Variants in DNM3 observed in about 807,000 individuals in gnomAD.
DNM3 encodes dynamin-3.
Under a neutral mutation model 101.6 loss-of-function variants are expected in DNM3, and 47 were observed. The observed-to-expected ratio is 0.46, with a 90% CI of 0.37 to 0.59. The LOEUF is 0.59. DNM3 is among the 20% of genes least tolerant of loss of function. The pLI, the probability that DNM3 is intolerant of heterozygous loss-of-function variation, is 0.00. For missense variants in DNM3, 849 were observed against 1,085.7 expected (o/e 0.78, Z 3.06); for synonymous variants, 385 against 387.9 (o/e 0.99, Z 0.09).
intron 15 of DNM3, among the ~76,000 whole-genome samples, chr1:172,284,236 A>G (rs1237994762): frequency 1.3e-5 from 2 of 152,172 alleles, no homozygotes; most frequent in Admixed American, 6.5e-5. Context: ...AGCTTTGTAA[A>G]TATTTTCTTT....
intron 8 of DNM3, among the ~76,000 whole-genome samples, chr1:172,043,666 C>T (rs1325079068): frequency 6.6e-6 from 1 of 151,916 alleles, no homozygotes; most frequent in African/African-American, 2.4e-5. Context: ...AGCTATGAAG[C>T]CATCAGTTAT....
At chr1:172,226,187 T>A (rs2148586210) in intron 14 of DNM3, among the ~76,000 whole-genome samples, 1 of 152,228 alleles carries the variant, frequency 6.6e-6, no homozygotes, top group Non-Finnish European at 1.5e-5. Flanking sequence ...AATTAAAATA[T>A]CTCTAATATT....
chr1:172,106,877 G>A (rs1269298636), intron 13 of DNM3, among the ~76,000 whole-genome samples: 2 of 13,066 alleles, frequency 1.5e-4, no homozygotes, highest in Non-Finnish European at 3.8e-4. Context: ...TTTTTGAGAC[G>A]GAGTCTCGCT....
intron 1 of DNM3, among the ~76,000 whole-genome samples, chr1:171,894,010 G>A (rs928227735): frequency 6.6e-6 from 1 of 151,666 alleles, no homozygotes; most frequent in Admixed American, 6.6e-5. Context: ...TTTTAGTAGA[G>A]ATGGGATTTC....
At chr1:172,205,149 A>G (rs1009839345) in intron 14 of DNM3, among the ~76,000 whole-genome samples, 3 of 152,152 alleles carry the variant, frequency 2.0e-5, no homozygotes, top group African/African-American at 4.8e-5. Flanking sequence ...TAGTCTTGAA[A>G]GTTTGAAAAC....
intron 1 of DNM3, among the ~76,000 whole-genome samples, chr1:171,843,196 A>G (rs2031540436): frequency 6.6e-6 from 1 of 152,200 alleles, no homozygotes; most frequent in African/African-American, 2.4e-5. Flanking sequence ...TGAACTAGAA[A>G]GATAAGAAGC....
chr1:171,987,719 A>G lies in DNM3; in HGVS notation c.299A>G (p.Glu100Gly). The G allele has an allele frequency of 1.2e-6, 2 of 1,601,838 alleles. No homozygotes were observed. Among genetic ancestry groups the G allele is most frequent in the South Asian group, 2.3e-5 (2 of 88,538 alleles). ...ACAGATTTTGATGAAGTTCGCCTTG[A>G]GATTGAAGCAGAAACAGATCGCGTG... is the stretch of plus-strand genomic sequence containing the variant. The part of the protein sequence containing the change: ...KFTDFDEVRL[E>G]IEAETDRVTG... The change falls in exon 3 of 21, where the codon GAG becomes GGG. Residue 100 changes from glutamate to glycine, a missense_variant. By Grantham distance (98) the Glu-to-Gly change is moderately conservative (BLOSUM62 -2). Coordinates refer to ENST00000627582, the MANE Select transcript of DNM3 (RefSeq NM_015569.5).
At chr1:172,128,229 A>G (rs967451565) in intron 13 of DNM3, among the ~76,000 whole-genome samples, 1 of 152,174 alleles carries the variant, frequency 6.6e-6, no homozygotes, top group Non-Finnish European at 1.5e-5. Flanking sequence ...TTGCAAGTCT[A>G]TACCTCCATC....
rs75376275 is a variant in DNM3, at chr1:172,023,846, G to T, written c.590-8556G>T. ...CCATTTCTCTAGTTTTAACAATGTG[G>T]TTTTTTTTTTTTTCCTTGTTTACTT... On this transcript the variant is annotated intron_variant, in intron 4 of 20. Coordinates refer to ENST00000627582, the MANE Select transcript of DNM3 (RefSeq NM_015569.5). Among the ~76,000 whole-genome samples the T allele has an allele frequency of 2.7e-4, 37 of 138,938 alleles. No homozygotes were observed. In the East Asian group the frequency reaches 6.2e-3, roughly 23 times the overall value. The allele number at this position is 138,938 out of a possible 152,430, so 91.1% of individuals were successfully genotyped here.
chr1:172,343,747 C>G (rs542361077), intron 17 of DNM3, among the ~76,000 whole-genome samples: 2 of 152,270 alleles, frequency 1.3e-5, no homozygotes, highest in South Asian at 4.2e-4. Flanking sequence ...TTTAAGGAAG[C>G]CACAGTAGTT....
chr1:171,941,448 T>G lies in DNM3; in HGVS notation c.235+19627T>G, dbSNP rs568653275. ...AGAAATAATATGACTGAGGAAGGTA[T>G]ACATACTGCAACTGTAGAGTGAGGA... On this transcript the variant is annotated intron_variant, in intron 2 of 20. Transcript: ENST00000627582. Among the ~76,000 whole-genome samples, 267 of 152,306 alleles carry G rather than the reference T, an allele frequency of 1.8e-3. 1 individual carries two copies. The highest frequency in any genetic ancestry group is 2.7e-3 in the Non-Finnish European group (183 of 68,022).
chr1:172,381,985 A>AG (rs2149064563), intron 18 of DNM3, among the ~76,000 whole-genome samples: 1 of 152,330 alleles, frequency 6.6e-6, no homozygotes, highest in South Asian at 2.1e-4. Flanking sequence ...AATATGTTTC[A>AG]GCCAACATTC....
At chr1:171,985,971 A>G (rs573172884) in intron 2 of DNM3, among the ~76,000 whole-genome samples, 1 of 152,298 alleles carries the variant, frequency 6.6e-6, no homozygotes, top group Non-Finnish European at 1.5e-5. Flanking sequence ...CAAAAGTTGG[A>G]CTAGTGGAAT....
intron 15 of DNM3, among the ~76,000 whole-genome samples, chr1:172,282,533 C>T (rs1048929148): frequency 6.6e-6 from 1 of 152,116 alleles, no homozygotes; most frequent in African/African-American, 2.4e-5. Context: ...TCACATCATA[C>T]TAATTCTTAT....
chr1:172,365,379 A>G (rs1199592160), intron 17 of DNM3, among the ~76,000 whole-genome samples: 1 of 151,944 alleles, frequency 6.6e-6, no homozygotes, highest in Non-Finnish European at 1.5e-5. Context: ...TATTCTTTCT[A>G]TTCTATCTAC....
At chr1:172,152,275 T>G (rs137913836) in intron 14 of DNM3, among the ~76,000 whole-genome samples, 7 of 152,074 alleles carry the variant, frequency 4.6e-5, no homozygotes, top group African/African-American at 1.7e-4. Context: ...TTTTTTTTTT[T>G]TTTTCAGTGA....
intron 15 of DNM3, among the ~76,000 whole-genome samples, chr1:172,279,279 T>A (rs1285158516): frequency 6.6e-6 from 1 of 152,182 alleles, no homozygotes; most frequent in Non-Finnish European, 1.5e-5. Context: ...GATAGTGGAC[T>A]ATTGTACCCC....
intron 4 of DNM3, among the ~76,000 whole-genome samples, chr1:172,015,239 T>G (rs1021944378): frequency 6.6e-6 from 1 of 152,190 alleles, no homozygotes; most frequent in African/African-American, 2.4e-5. Context: ...TATATTGTGT[T>G]GGCTATCCTG....
At chr1:172,306,377 G>C (rs1169384598) in intron 15 of DNM3, among the ~76,000 whole-genome samples, 1 of 152,182 alleles carries the variant, frequency 6.6e-6, no homozygotes, top group Non-Finnish European at 1.5e-5. Flanking sequence ...CGAAATAAAA[G>C]AGGACACAAA....
Sources: allele counts gnomAD v4.1 joint callset (sites outside exome capture counted in the v4.1 genomes callset), GRCh38; gene constraint gnomAD v4.1.1; transcripts MANE v1.5; gene names NCBI Gene and HGNC (gene_info 2026-07-23, HGNC 2026-07-21).